The following ADGRA1 variants were observed in gnomAD, a reference collection of about 807,000 sequenced individuals.
The protein encoded by ADGRA1 is adhesion G protein-coupled receptor A1, also known as G-protein coupled receptor 123.
In ADGRA1, 12 loss-of-function variants were observed where a neutral mutation model predicts 21.3. The ratio of observed to expected loss-of-function variants is 0.56; its 90% CI spans 0.36 to 0.91. The LOEUF is 0.91. ADGRA1 is among the 40% of genes least tolerant of loss of function. ADGRA1 has a pLI of 0.01. For missense variants in ADGRA1, 790 were observed against 805.6 expected (o/e 0.98, Z 0.23); for synonymous variants, 385 against 368.8 (o/e 1.04, Z -0.50).
intron 5 of ADGRA1, among the ~76,000 whole-genome samples, chr10:133,103,656 A>G (rs1851840838): frequency 6.6e-6 from 1 of 152,172 alleles, no homozygotes; most frequent in African/African-American, 2.4e-5. Flanking sequence ...CCAGACGTCC[A>G]CGTCTGGGAG....
chr10:133,088,927 C>T lies in ADGRA1; in HGVS notation c.3+15C>T, dbSNP rs548209580. The T allele has an allele frequency of 1.4e-4, 180 of 1,241,584 alleles. No homozygotes were observed. Among genetic ancestry groups the T allele is most frequent in the African/African-American group, 8.8e-4 (57 of 64,950 alleles). 76.9% of individuals were successfully genotyped at this position (1,241,584 alleles called of 1,614,324 possible). ...CAGCGCTCATGGTGAGTACGGGGGT[C>T]CCGGGGGTCCTGCAGCTGGGGGCTA... On this transcript the variant is annotated intron_variant, in intron 2 of 6. Coordinates refer to ENST00000392607, the MANE Select transcript of ADGRA1 (RefSeq NM_001083909.3).
Position 133,098,630 on chromosome 10 carries a change from C to A in ADGRA1, c.132-10C>A, listed in dbSNP as rs769395639. The stretch of plus-strand genomic sequence containing the variant: ...CTGCTCATGTGAAACCCTCCTTTCC[C>A]GTCCCACAGCGCCATCCGCATCAGC... On this transcript the variant is annotated splice_polypyrimidine_tract_variant and intron_variant, in intron 3 of 6. Coordinates refer to ENST00000392607, the MANE Select transcript of ADGRA1 (RefSeq NM_001083909.3). 6.2e-7 allele frequency: 1 copy of A among 1,605,326 alleles called. No homozygotes were observed.
chr10:133,102,662 C>A, intron 4 of ADGRA1, 35 bp from the exon 5 acceptor site: 2 of 1,582,854 alleles, frequency 1.3e-6, no homozygotes, highest in East Asian at 2.3e-5. Flanking sequence ...GGTGGGTGCC[C>A]GCCAAGGGCC....
rs1164254456 is a variant in ADGRA1 at position 133,129,477 on chromosome 10, G to T, written c.1649G>T (p.Arg550Leu). ...PFGTDGTGNI[R>L]TGPWKNETTV Reference sequence around the variant, plus strand: ...GGCACCGACGGGACCGGCAACATCCGAACGGGACCCTGGAAAAACGAAACT... The same window carrying T: ...GGCACCGACGGGACCGGCAACATCCTAACGGGACCCTGGAAAAACGAAACT... Residue 550 changes from arginine (R) to leucine (L), a missense_variant, in exon 7 of 7, where the codon CGA becomes CTA. Arg to Leu is a moderately radical substitution (Grantham distance 102, BLOSUM62 -2). This residue lies in a region of ADGRA1 where 391 missense variants were observed against 351.5 expected (regional missense o/e 1.11). Transcript: ENST00000392607. 5 of 1,598,400 alleles carry T rather than the reference G, an allele frequency of 3.1e-6. No individual in the cohort carries two copies. In the South Asian group the frequency reaches 4.4e-5, roughly 14 times the overall value.
chr10:133,095,769 A>C, intron 2 of ADGRA1: 1 of 1,598,644 alleles, frequency 6.3e-7, no homozygotes. Context: ...GGCTGCCTGC[A>C]TCCCGACACA....
At chr10:133,127,371 G>A (rs775629867) in intron 6 of ADGRA1, 40 bp downstream of exon 6, 2 of 1,477,240 alleles carry the variant, frequency 1.4e-6, no homozygotes, top group Admixed American at 2.0e-5. Flanking sequence ...TGGGAGCAGC[G>A]GGTGGGCTCT....
At chr10:133,104,435 G>A (rs187982555) in intron 5 of ADGRA1, among the ~76,000 whole-genome samples, 19 of 152,344 alleles carry the variant, frequency 1.2e-4, no homozygotes, top group African/African-American at 4.3e-4. Context: ...TCTTCCATCC[G>A]GTGTCTGCCA....
rs1176471332 is a variant in ADGRA1, at chr10:133,129,264, C to G, written c.1436C>G (p.Pro479Arg). Residue 479 changes from proline to arginine, a missense_variant, in exon 7 of 7, where the codon CCC (proline) becomes CGC (arginine). Physicochemically the swap from Pro to Arg is moderately radical, Grantham distance 103. This residue lies in a region of ADGRA1 where 391 missense variants were observed against 351.5 expected (regional missense o/e 1.11). Transcript: ENST00000392607. The part of the protein sequence containing the change: ...LACCTQGDPF[P>R]MVTQPEGSDG... ...TGCTGCACCCAGGGCGACCCCTTCC[C>G]CATGGTCACCCAGCCCGAGGGCAGT... The G allele has an allele frequency of 1.1e-5, 17 of 1,549,852 alleles. No individual in the cohort carries two copies. Among genetic ancestry groups the G allele is most frequent in the Non-Finnish European group, 1.4e-5 (16 of 1,147,058 alleles).
chr10:133,121,666 C>G, intron 5 of ADGRA1, among the ~76,000 whole-genome samples: 1 of 122,126 alleles, frequency 8.2e-6, no homozygotes, highest in South Asian at 2.8e-4. Flanking sequence ...TGGTGTGTGC[C>G]AGTGTGCATG....
At chr10:133,116,294 G>A (rs1591183118) in intron 5 of ADGRA1, among the ~76,000 whole-genome samples, 1 of 152,158 alleles carries the variant, frequency 6.6e-6, no homozygotes, top group Non-Finnish European at 1.5e-5. Flanking sequence ...ACAGTCCCTC[G>A]GCCTGTGGGG....
At chr10:133,120,297 C>G (rs1474356018) in intron 5 of ADGRA1, among the ~76,000 whole-genome samples, 1 of 152,066 alleles carries the variant, frequency 6.6e-6, no homozygotes, top group Non-Finnish European at 1.5e-5. Context: ...CCCAGCTGCT[C>G]GGGAGGCTGA....
chr10:133,117,388 T>C lies in ADGRA1; in HGVS notation c.402-9845T>C, dbSNP rs866645110. Among the ~76,000 whole-genome samples, 6 of 152,326 alleles carry C rather than the reference T, an allele frequency of 3.9e-5. No homozygotes were observed. The South Asian group carries it at 1.2e-3, about 32-fold the overall frequency. Reference sequence around the variant, plus strand: ...AGCAAACACCCACGGAACAGCCTACTGACGGTGCATCCAGCCTGGAGCCCC... The same window carrying C: ...AGCAAACACCCACGGAACAGCCTACCGACGGTGCATCCAGCCTGGAGCCCC... On this transcript the variant is annotated intron_variant, in intron 5 of 6. Transcript: ENST00000392607.
intron 5 of ADGRA1, among the ~76,000 whole-genome samples, chr10:133,125,169 A>G (rs1852355230): frequency 6.6e-6 from 1 of 152,142 alleles, no homozygotes. Flanking sequence ...CTTATACTCA[A>G]AGTGTTTCTA....
chr10:133,116,356 A>G (rs1852158655), intron 5 of ADGRA1, among the ~76,000 whole-genome samples: 1 of 151,766 alleles, frequency 6.6e-6, no homozygotes, highest in Non-Finnish European at 1.5e-5. Flanking sequence ...CTTCGCCTTC[A>G]CTGTCCCTCA....
intron 5 of ADGRA1, among the ~76,000 whole-genome samples, chr10:133,110,830 C>T (rs559637734): frequency 3.3e-5 from 5 of 152,286 alleles, no homozygotes; most frequent in African/African-American, 1.2e-4. Flanking sequence ...GCCTCTTCCC[C>T]TTCCTTGTCT....
chr10:133,127,705 A>G (rs537170478), intron 6 of ADGRA1, among the ~76,000 whole-genome samples: 149 of 152,040 alleles, frequency 9.8e-4, no homozygotes, highest in African/African-American at 3.3e-3. Context: ...CCTCTCATTC[A>G]GGGCCCTCAG....
chr10:133,117,559 C>T (rs769080050), intron 5 of ADGRA1, among the ~76,000 whole-genome samples: 5 of 152,250 alleles, frequency 3.3e-5, no homozygotes, highest in Non-Finnish European at 7.3e-5. Context: ...GGCACCTGCT[C>T]AGGGCTGGTG....
At chr10:133,125,383 T>C (rs1281398634) in intron 5 of ADGRA1, among the ~76,000 whole-genome samples, 2 of 152,228 alleles carry the variant, frequency 1.3e-5, no homozygotes, top group African/African-American at 2.4e-5. Flanking sequence ...TTCCTTCTTT[T>C]GGATTATTTT....
rs190655721 is a variant in ADGRA1, at chr10:133,127,209, G to A, written c.402-24G>A. 5.2e-4 allele frequency: 791 copies of A among 1,519,948 alleles called. 5 individuals carry two copies. The East Asian group carries it at 0.015, about 30-fold the overall frequency. The allele number at this position is 1,519,948 out of a possible 1,614,324, so 94.2% of individuals were successfully genotyped here. A position where few individuals can be genotyped will look rare whatever the true frequency, so the allele number is the denominator to read the frequency against. On this transcript the variant is annotated intron_variant, in intron 5 of 6. Coordinates refer to ENST00000392607, the MANE Select transcript of ADGRA1 (RefSeq NM_001083909.3). ...AGGATGCAGGCGGCGTCTGCAAGGG[G>A]GTCAACGCCTTCCTCCCCGGCAGGT...
Sources: gnomAD v4.1 joint callset for allele counts (sites outside exome capture counted in the v4.1 genomes callset) on GRCh38, gnomAD v4.1.1 for gene constraint, gnomAD v4.1.1 regional missense constraint, MANE v1.5 for transcripts, NCBI Gene and HGNC (gene_info 2026-07-23, HGNC 2026-07-21) for gene names.